CCDC169: variants seen among roughly 807,000 people sequenced by gnomAD.
The protein encoded by CCDC169 is coiled-coil domain containing 169.
CCDC169 carries 30 observed loss-of-function variants against 36.0 expected under a neutral mutation model. That is an observed-to-expected ratio of 0.83 (90% CI 0.62 to 1.13). The LOEUF (loss-of-function observed/expected upper bound fraction) is 1.13. CCDC169 is among the 50% of genes most tolerant of loss of function. The pLI, the probability that CCDC169 is intolerant of heterozygous loss-of-function variation, is 0.00. For synonymous variants in CCDC169, 85 were observed against 81.5 expected, an observed-to-expected ratio of 1.04 and a Z score of -0.23; for missense variants, 245 against 245.9, an observed-to-expected ratio of 1.00 and a Z score of 0.03.
intron 4 of CCDC169, among the ~76,000 whole-genome samples, chr13:36,268,825 C>A (rs1361474338): frequency 6.6e-6 from 1 of 152,134 alleles, no homozygotes; most frequent in African/African-American, 2.4e-5. Context: ...ATCATTCAAG[C>A]CAGGCATGGT....
chr13:36,243,127 T>G (rs991419643), intron 7 of CCDC169, among the ~76,000 whole-genome samples: 1 of 152,202 alleles, frequency 6.6e-6, no homozygotes, highest in Admixed American at 6.5e-5. Context: ...GGACTGCAGC[T>G]GCGCTATAGC....
intron 6 of CCDC169, among the ~76,000 whole-genome samples, chr13:36,253,315 T>C (rs968836732): frequency 4.0e-5 from 6 of 151,326 alleles, no homozygotes; most frequent in African/African-American, 2.4e-5. Flanking sequence ...ACCTCTTAAT[T>C]TGGAAAACTG....
At chr13:36,222,447 A>C (rs1428019870), downstream of CCDC169, 1 of 152,216 alleles carries the variant, frequency 6.6e-6, no homozygotes, top group African/African-American at 2.4e-5. Flanking sequence ...GTAAGCCTAG[A>C]GCAAAACTCT....
intron 6 of CCDC169, among the ~76,000 whole-genome samples, chr13:36,251,556 A>G (rs1873165628): frequency 1.8e-5 from 1 of 55,300 alleles, no homozygotes; most frequent in African/African-American, 4.5e-5. Flanking sequence ...TTTAACCTTA[A>G]AAAAAATCCT....
At chr13:36,242,394 G>A (rs1238377876) in intron 7 of CCDC169, among the ~76,000 whole-genome samples, 1 of 152,074 alleles carries the variant, frequency 6.6e-6, no homozygotes, top group Non-Finnish European at 1.5e-5. Context: ...CATTCTGTGA[G>A]GTGCCTAATA....
At chr13:36,289,404 A>C (rs1878610750) in intron 2 of CCDC169, among the ~76,000 whole-genome samples, 1 of 152,156 alleles carries the variant, frequency 6.6e-6, no homozygotes, top group Non-Finnish European at 1.5e-5. Flanking sequence ...TTGATTCTGT[A>C]CTCTTGGCTT....
intron 4 of CCDC169, among the ~76,000 whole-genome samples, chr13:36,255,722 T>G (rs1873784325): frequency 6.6e-6 from 1 of 151,614 alleles, no homozygotes; most frequent in African/African-American, 2.4e-5. Context: ...CTGTGAGTTC[T>G]TTCCTTCTTT....
downstream of CCDC169, chr13:36,223,727 A>C (rs936659374): frequency 6.6e-6 from 1 of 152,094 alleles, no homozygotes; most frequent in African/African-American, 2.4e-5. Context: ...AACAATCTAA[A>C]TTTTTTAAAT....
rs561626193 is a variant in CCDC169 at position 36,281,516 on chromosome 13, T to C, written c.315+1953A>G. On this transcript the variant is annotated intron_variant, in intron 4 of 7. Coordinates refer to ENST00000239859, the MANE Select transcript of CCDC169 (RefSeq NM_001144981.3). ...AAGACTAAAGCTTCACTCTCACTTA[T>C]GTGAATAATTTTTTCTAAAATATTA... Among the ~76,000 whole-genome samples the C allele has an allele frequency of 1.6e-4, 24 of 152,312 alleles. No individual in the cohort carries two copies. The South Asian group carries it at 1.9e-3, about 12-fold the overall frequency.
At chr13:36,290,467 AT>A (rs879769609) in intron 2 of CCDC169, among the ~76,000 whole-genome samples, 9 of 151,236 alleles carry the variant, frequency 6.0e-5, no homozygotes, top group Admixed American at 5.3e-4. Context: ...AATACTTTAC[AT>A]TTTTTTTTAC....
At chr13:36,262,612 G>A (rs901490270) in intron 4 of CCDC169, among the ~76,000 whole-genome samples, 1 of 152,198 alleles carries the variant, frequency 6.6e-6, no homozygotes, top group Non-Finnish European at 1.5e-5. Context: ...TGCCCCAACT[G>A]AAAGGATAAA....
chr13:36,273,725 T>A (rs994471330), intron 4 of CCDC169, among the ~76,000 whole-genome samples: 19 of 152,218 alleles, frequency 1.2e-4, no homozygotes, highest in Non-Finnish European at 2.1e-4. Context: ...TCAATGTTTT[T>A]ATTTAAAATT....
At chr13:36,232,779 A>C (rs1428842702) in intron 7 of CCDC169, among the ~76,000 whole-genome samples, 1 of 152,124 alleles carries the variant, frequency 6.6e-6, no homozygotes, top group African/African-American at 2.4e-5. Context: ...CATGCCTATA[A>C]TCTCAGCTAG....
chr13:36,233,509 C>T (rs905189443), intron 7 of CCDC169, among the ~76,000 whole-genome samples: 2 of 123,032 alleles, frequency 1.6e-5, no homozygotes, highest in African/African-American at 5.5e-5. Context: ...TAGAGAAAGA[C>T]TTTAAATCTA....
intron 7 of CCDC169, among the ~76,000 whole-genome samples, chr13:36,241,413 T>C (rs919706087): frequency 6.6e-6 from 1 of 152,212 alleles, no homozygotes; most frequent in African/African-American, 2.4e-5. Context: ...TTCCTTTCCA[T>C]TGGTATTAAT....
chr13:36,273,885 C>T (rs1308581065), intron 4 of CCDC169, among the ~76,000 whole-genome samples: 2 of 152,148 alleles, frequency 1.3e-5, no homozygotes, highest in Admixed American at 1.3e-4. Context: ...GTTTCTTCCT[C>T]CAGCCTCTAA....
intron 7 of CCDC169, among the ~76,000 whole-genome samples, chr13:36,243,787 CA>C (rs1343960049): frequency 6.6e-6 from 1 of 152,128 alleles, no homozygotes; most frequent in East Asian, 1.9e-4. Context: ...GCCTGGGCAA[CA>C]AGAGCTAAAC....
chr13:36,276,066 T>C (rs1183093220), intron 4 of CCDC169, among the ~76,000 whole-genome samples: 1 of 152,196 alleles, frequency 6.6e-6, no homozygotes, highest in Non-Finnish European at 1.5e-5. Context: ...TCTTCTCCTG[T>C]TTGTCCTATG....
At chr13:36,283,824 C>G (rs543728976) in intron 2 of CCDC169, 122 bp from the exon 3 acceptor site, 8 of 725,168 alleles carry the variant, frequency 1.1e-5, no homozygotes, top group Non-Finnish European at 1.8e-5. Flanking sequence ...CAATACAGAT[C>G]AACTAGAAGG....
Sources: allele counts gnomAD v4.1 joint callset (sites outside exome capture counted in the v4.1 genomes callset), GRCh38; gene constraint gnomAD v4.1.1; transcripts MANE v1.5; gene names NCBI Gene and HGNC (gene_info 2026-07-23, HGNC 2026-07-21).